Variants in PTPRO observed in about 807,000 individuals in gnomAD.
PTPRO encodes the protein protein tyrosine phosphatase receptor type O.
Under a neutral mutation model 145.2 loss-of-function variants are expected in PTPRO, and 62 were observed. The observed-to-expected ratio is 0.43, with a 90% confidence interval of 0.35 to 0.53. The LOEUF (loss-of-function observed/expected upper bound fraction) is 0.53, where lower values mean the gene tolerates loss of function less well. Ranked by LOEUF, PTPRO falls within the 20% of genes least tolerant of loss-of-function variation. The pLI is 0.01. For missense variants in PTPRO, 1,345 were observed against 1,482.7 expected, an observed-to-expected ratio of 0.91 and a Z score of 1.53; for synonymous variants, 565 against 514.7, an observed-to-expected ratio of 1.10 and a Z score of -1.32.
chr12:15,385,142 A>G (rs1938982916), intron 1 of PTPRO, among the ~76,000 whole-genome samples: 1 of 152,234 alleles, frequency 6.6e-6, no homozygotes, highest in African/African-American at 2.4e-5. Flanking sequence ...TACAGGGCTG[A>G]AAATATTTAT....
At chr12:15,574,181 C>T (rs1467280428) in intron 19 of PTPRO, among the ~76,000 whole-genome samples, 1 of 152,258 alleles carries the variant, frequency 6.6e-6, no homozygotes, top group Admixed American at 6.5e-5. Context: ...ATATGAGTTA[C>T]TAATTTGTGT....
intron 1 of PTPRO, among the ~76,000 whole-genome samples, chr12:15,389,205 G>A (rs958694189): frequency 5.6e-4 from 85 of 151,006 alleles, no homozygotes; most frequent in African/African-American, 2.0e-3. Flanking sequence ...CCAGGTTCAC[G>A]CCATTCTCCT....
At chr12:15,406,221 T>A (rs1939643380) in intron 1 of PTPRO, among the ~76,000 whole-genome samples, 1 of 152,160 alleles carries the variant, frequency 6.6e-6, no homozygotes, top group Non-Finnish European at 1.5e-5. Context: ...ACACATGCAA[T>A]CTATCTTCTG....
At chr12:15,341,741 T>C (rs558905585) in intron 1 of PTPRO, among the ~76,000 whole-genome samples, 9 of 152,304 alleles carry the variant, frequency 5.9e-5, no homozygotes, top group African/African-American at 1.7e-4. Flanking sequence ...AAATAAAATA[T>C]AGTATGTGCC....
chr12:15,561,149 G>T (rs1490766335), intron 17 of PTPRO, among the ~76,000 whole-genome samples: 1 of 151,996 alleles, frequency 6.6e-6, no homozygotes, highest in African/African-American at 2.4e-5. Context: ...AATACCTAGT[G>T]TTTAGGTACT....
chr12:15,383,351 T>A (rs1482448826), intron 1 of PTPRO, among the ~76,000 whole-genome samples: 1 of 152,212 alleles, frequency 6.6e-6, no homozygotes, highest in Non-Finnish European at 1.5e-5. Context: ...TACCATGTTT[T>A]AAAAAATCTA....
chr12:15,431,112 G>C (rs1183910957), intron 1 of PTPRO, among the ~76,000 whole-genome samples: 1 of 152,190 alleles, frequency 6.6e-6, no homozygotes, highest in Admixed American at 6.5e-5. Flanking sequence ...GGGTAGCATA[G>C]GGGCTTGTCC....
chr12:15,569,891 T>C (rs1944001161), intron 19 of PTPRO, among the ~76,000 whole-genome samples: 1 of 152,176 alleles, frequency 6.6e-6, no homozygotes, highest in Non-Finnish European at 1.5e-5. Flanking sequence ...TAGTGGCGGA[T>C]AGTGGATAAA....
chr12:15,462,578 C>T (rs180754278), intron 1 of PTPRO, among the ~76,000 whole-genome samples: 3 of 152,312 alleles, frequency 2.0e-5, no homozygotes, highest in East Asian at 1.9e-4. Context: ...GTGTTCCGTG[C>T]TCACAATCAT....
At chr12:15,499,189 T>A (rs1942167979) in intron 3 of PTPRO, among the ~76,000 whole-genome samples, 1 of 152,208 alleles carries the variant, frequency 6.6e-6, no homozygotes, top group South Asian at 2.1e-4. Context: ...CCCCAAAAGT[T>A]CCTATCACAA....
intron 1 of PTPRO, among the ~76,000 whole-genome samples, chr12:15,428,202 C>A (rs11056474): frequency 0.18 from 27,710 of 152,046 alleles, 3,134 homozygotes; most frequent in African/African-American, 0.32. Flanking sequence ...AGGTAAAATT[C>A]AAAGACAACA....
intron 1 of PTPRO, among the ~76,000 whole-genome samples, chr12:15,328,935 G>A (rs936664493): frequency 6.6e-6 from 1 of 152,170 alleles, no homozygotes; most frequent in Non-Finnish European, 1.5e-5. Flanking sequence ...AAGTAGTGGT[G>A]CAAGATCAGA....
chr12:15,516,426 A>AAGTGAGAAAGAGAGTGAGAAAGAAGAG (rs916319806), intron 8 of PTPRO, among the ~76,000 whole-genome samples: 2 of 143,780 alleles, frequency 1.4e-5, no homozygotes, highest in African/African-American at 5.0e-5. Context: ...AAAGGAGAAA[A>AAGTGAGAAAGAGAGTGAGAAAGAAGAG]AGTGAGAAAG....
chr12:15,456,228 T>C (rs1941174057), intron 1 of PTPRO, among the ~76,000 whole-genome samples: 1 of 152,214 alleles, frequency 6.6e-6, no homozygotes, highest in African/African-American at 2.4e-5. Flanking sequence ...TTGAGATGAT[T>C]GTGTGGTTTT....
chr12:15,399,602 A>G (rs1170314582), intron 1 of PTPRO, among the ~76,000 whole-genome samples: 4 of 152,196 alleles, frequency 2.6e-5, no homozygotes, highest in Non-Finnish European at 4.4e-5. Flanking sequence ...TATAATCGTT[A>G]ATTAATGAAT....
At chr12:15,514,470 A>G (rs910243608) in intron 7 of PTPRO, among the ~76,000 whole-genome samples, 38 of 143,142 alleles carry the variant, frequency 2.7e-4, no homozygotes, top group South Asian at 2.1e-3. Context: ...AAAAAAAAAA[A>G]AAAGAAAGAA....
At chr12:15,422,448 C>G (rs1233869843) in intron 1 of PTPRO, among the ~76,000 whole-genome samples, 5 of 152,046 alleles carry the variant, frequency 3.3e-5, no homozygotes, top group Non-Finnish European at 7.4e-5. Flanking sequence ...TAATTGAGTG[C>G]CAACTTTGGG....
intron 1 of PTPRO, chr12:15,410,426 C>T (rs74069060): frequency 1.3e-5 from 2 of 152,090 alleles, no homozygotes; most frequent in African/African-American, 4.8e-5. Flanking sequence ...GCTGGGTTCA[C>T]CTGCTCTCTG....
intron 1 of PTPRO, among the ~76,000 whole-genome samples, chr12:15,455,945 T>C (rs1941166311): frequency 1.3e-5 from 2 of 152,188 alleles, no homozygotes; most frequent in South Asian, 2.1e-4. Flanking sequence ...CCATGGTACG[T>C]GTATACCTAT....
Sources: allele counts gnomAD v4.1 joint callset (sites outside exome capture counted in the v4.1 genomes callset), GRCh38; gene constraint gnomAD v4.1.1; transcripts MANE v1.5; gene names NCBI Gene and HGNC (gene_info 2026-07-23, HGNC 2026-07-21).